BRD10: variants seen among roughly 807,000 people sequenced by gnomAD.
The protein encoded by BRD10 is uncharacterized bromodomain-containing protein 10.
At chr9:5,982,885 C>T in the BRD10 span, among the ~76,000 whole-genome samples, 5 of 151,978 alleles carry the variant, frequency 3.3e-5, no homozygotes, top group East Asian at 9.6e-4. Flanking sequence ...GAGATAATTC[C>T]AAAAAGAAGG....
At chr9:5,897,745 C>T in the BRD10 span, 3 of 1,096,450 alleles carry the variant, frequency 2.7e-6, no homozygotes, top group Admixed American at 3.4e-5. Context: ...AGATAATTGC[C>T]TCATTATAAC....
At chr9:5,906,649 A>C in the BRD10 span, among the ~76,000 whole-genome samples, 1 of 152,272 alleles carries the variant, frequency 6.6e-6, no homozygotes, top group African/African-American at 2.4e-5. Context: ...CAGGTACTGC[A>C]CTAGAGCTTT....
At chr9:5,921,956 G>C in the BRD10 span, 148 of 1,613,936 alleles carry the variant, frequency 9.2e-5, no homozygotes, top group Non-Finnish European at 1.1e-4. Context: ...TTGGCTAAAA[G>C]GTGAAAGACT....
chr9:5,968,230 C>T, the BRD10 span: 7 of 1,612,796 alleles, frequency 4.3e-6, no homozygotes, highest in South Asian at 1.1e-5. Flanking sequence ...TCTGTAGTGA[C>T]TGCTCTAATA....
chr9:5,944,253 T>C, the BRD10 span, among the ~76,000 whole-genome samples: 3 of 152,130 alleles, frequency 2.0e-5, no homozygotes, highest in Admixed American at 6.6e-5. Flanking sequence ...ATTTAATAAA[T>C]AGCACAATTG....
At chr9:5,908,356 G>T in the BRD10 span, among the ~76,000 whole-genome samples, 1 of 152,168 alleles carries the variant, frequency 6.6e-6, no homozygotes, top group Non-Finnish European at 1.5e-5. Flanking sequence ...TGATTCGTTA[G>T]TTAGGGCTTG....
chr9:5,994,436 C>T, the BRD10 span, among the ~76,000 whole-genome samples: 1 of 152,074 alleles, frequency 6.6e-6, no homozygotes. Flanking sequence ...GTCTTCATAC[C>T]CACAAAAAAG....
the BRD10 span, among the ~76,000 whole-genome samples, chr9:5,901,783 A>C: frequency 6.6e-6 from 1 of 152,168 alleles, no homozygotes; most frequent in Non-Finnish European, 1.5e-5. Flanking sequence ...CAGCCTCCCA[A>C]AGTGCTGGGA....
chr9:6,007,303 C>T, the BRD10 span: 4 of 1,613,896 alleles, frequency 2.5e-6, no homozygotes, highest in Admixed American at 3.3e-5. Context: ...CAGCATCAAC[C>T]TGAAGTCCGC....
the BRD10 span, among the ~76,000 whole-genome samples, chr9:6,006,069 A>G: frequency 6.6e-6 from 1 of 152,242 alleles, no homozygotes; most frequent in Non-Finnish European, 1.5e-5. Flanking sequence ...AATTTCTAGG[A>G]GCTATTCTGT....
At chr9:5,991,396 C>G in the BRD10 span, among the ~76,000 whole-genome samples, 2 of 152,028 alleles carry the variant, frequency 1.3e-5, no homozygotes, top group Non-Finnish European at 2.9e-5. Flanking sequence ...TTCCTAGAGT[C>G]TACTCATATA....
chr9:6,007,974 G>A, the BRD10 span: 3 of 1,291,534 alleles, frequency 2.3e-6, no homozygotes, highest in Admixed American at 4.1e-5. Context: ...CGGCGGGGCG[G>A]GGTTACATGG....
the BRD10 span, chr9:5,954,245 A>G: frequency 1.7e-6 from 1 of 603,502 alleles, no homozygotes. Context: ...AACAAGCCCC[A>G]GTAAAAGCAA....
the BRD10 span, among the ~76,000 whole-genome samples, chr9:5,984,216 T>A: frequency 6.6e-6 from 1 of 152,158 alleles, no homozygotes; most frequent in Non-Finnish European, 1.5e-5. Context: ...TATAAAATAC[T>A]TCTTTTCATT....
the BRD10 span, chr9:5,920,094 T>C: frequency 6.2e-7 from 1 of 1,613,946 alleles, no homozygotes; most frequent in Non-Finnish European, 8.5e-7. Context: ...CCAAAAGAGT[T>C]TATAAATTTT....
chr9:5,895,207 C>G, the BRD10 span, among the ~76,000 whole-genome samples: 1 of 152,132 alleles, frequency 6.6e-6, no homozygotes, highest in African/African-American at 2.4e-5. Flanking sequence ...AGTGTAGGAA[C>G]CCCTGAATAC....
the BRD10 span, among the ~76,000 whole-genome samples, chr9:5,896,186 C>A: frequency 6.6e-6 from 1 of 152,208 alleles, no homozygotes; most frequent in South Asian, 2.1e-4. Flanking sequence ...ACTTGACCAG[C>A]ATAATGTCAG....
chr9:5,952,941 G>T, the BRD10 span, among the ~76,000 whole-genome samples: 3 of 152,126 alleles, frequency 2.0e-5, no homozygotes, highest in Non-Finnish European at 4.4e-5. Context: ...TTGTAGAAAT[G>T]TTTGTAATTC....
chr9:5,921,340 C>T, the BRD10 span: 6,177 of 1,613,854 alleles, frequency 3.8e-3, 111 homozygotes, highest in African/African-American at 0.045. Flanking sequence ...CCACTGTAGA[C>T]GGAATCAGTA....
Sources: gnomAD v4.1 joint callset for allele counts (sites outside exome capture counted in the v4.1 genomes callset) on GRCh38, gnomAD v4.1.1 for gene constraint, MANE v1.5 for transcripts, NCBI Gene and HGNC (gene_info 2026-07-23, HGNC 2026-07-21) for gene names.